The following LINGO2 variants were observed in gnomAD, a reference collection of about 807,000 sequenced individuals.
LINGO2 encodes leucine-rich repeat and immunoglobulin-like domain-containing nogo receptor-interacting protein 2.
LINGO2 carries 14 observed loss-of-function variants against 30.6 expected under a neutral mutation model. The observed-to-expected ratio is 0.46, with a 90% CI of 0.30 to 0.72. LINGO2 has a LOEUF of 0.72. Ranked by LOEUF, LINGO2 falls within the 30% of genes least tolerant of loss-of-function variation. The pLI is 0.07. For missense variants in LINGO2, 729 were observed against 751.7 expected, an observed-to-expected ratio of 0.97 and a Z score of 0.35; for synonymous variants, 317 against 288.5, an observed-to-expected ratio of 1.10 and a Z score of -1.00.
intron 4 of LINGO2, among the ~76,000 whole-genome samples, chr9:28,088,236 A>G (rs1825971313): frequency 6.9e-6 from 1 of 144,506 alleles, no homozygotes; most frequent in Non-Finnish European, 1.5e-5. Flanking sequence ...ACACACACAC[A>G]CATATAATGG....
At chr9:28,892,163 G>T in the LINGO2 span, among the ~76,000 whole-genome samples, 1 of 151,852 alleles carries the variant, frequency 6.6e-6, no homozygotes, top group African/African-American at 2.4e-5. Flanking sequence ...CTCCATGCTA[G>T]ACTGCAGCGA....
intron 5 of LINGO2, among the ~76,000 whole-genome samples, chr9:27,995,196 A>G (rs79025922): frequency 0.028 from 4,247 of 152,230 alleles, 91 homozygotes; most frequent in Non-Finnish European, 0.044. Flanking sequence ...CCATAAAGAA[A>G]TAGTAAATCT....
At chr9:28,236,440 A>G (rs1435412887) in intron 4 of LINGO2, among the ~76,000 whole-genome samples, 1 of 152,186 alleles carries the variant, frequency 6.6e-6, no homozygotes, top group Non-Finnish European at 1.5e-5. Context: ...AGTTTAACAC[A>G]GTAATTGTAG....
the LINGO2 span, among the ~76,000 whole-genome samples, chr9:29,181,598 CA>C: frequency 6.6e-6 from 1 of 151,776 alleles, no homozygotes; most frequent in Non-Finnish European, 1.5e-5. Context: ...AGTGAGAATC[CA>C]AAAACAATCC....
At chr9:28,566,050 A>T (rs1823364253) in intron 1 of LINGO2, among the ~76,000 whole-genome samples, 1 of 152,124 alleles carries the variant, frequency 6.6e-6, no homozygotes, top group South Asian at 2.1e-4. Flanking sequence ...GGACCAGCGA[A>T]GTGGCCTGCA....
At chr9:28,504,830 G>A (rs1820041862) in intron 1 of LINGO2, among the ~76,000 whole-genome samples, 1 of 151,770 alleles carries the variant, frequency 6.6e-6, no homozygotes, top group African/African-American at 2.4e-5. Flanking sequence ...TATGCTTTTT[G>A]GTAAAACAGT....
At chr9:28,807,162 C>A in the LINGO2 span, among the ~76,000 whole-genome samples, 1 of 151,828 alleles carries the variant, frequency 6.6e-6, no homozygotes, top group Admixed American at 6.6e-5. Flanking sequence ...GTAGCTGGGA[C>A]TACAGGGGCC....
chr9:28,384,329 CTATATATATA>C (rs3064858), intron 2 of LINGO2, among the ~76,000 whole-genome samples: 1 of 123,338 alleles, frequency 8.1e-6, no homozygotes, highest in Non-Finnish European at 1.7e-5. Flanking sequence ...ATGTTATGCA[CTATATATATA>C]TATATATATA....
chr9:28,513,097 A>ACACC (rs1587786759), intron 1 of LINGO2, among the ~76,000 whole-genome samples: 1 of 21,794 alleles, frequency 4.6e-5, no homozygotes, highest in East Asian at 1.6e-3. Context: ...ACACACACAC[A>ACACC]CACACACACA....
chr9:29,135,280 C>T, the LINGO2 span, among the ~76,000 whole-genome samples: 1 of 152,034 alleles, frequency 6.6e-6, no homozygotes, highest in African/African-American at 2.4e-5. Context: ...GATTGTCAGG[C>T]CGGGTGTGGT....
chr9:28,992,743 A>C, the LINGO2 span, among the ~76,000 whole-genome samples: 290 of 152,278 alleles, frequency 1.9e-3, 1 homozygote, highest in African/African-American at 6.6e-3. Flanking sequence ...TGGAAACTGA[A>C]CAACCTGCTC....
chr9:28,342,180 C>T (rs1045389820), intron 3 of LINGO2, among the ~76,000 whole-genome samples: 4 of 152,090 alleles, frequency 2.6e-5, no homozygotes, highest in Admixed American at 1.3e-4. Context: ...TGCCACAAAC[C>T]TCTCGCTGTC....
chr9:28,605,334 G>C (rs1825653529), intron 1 of LINGO2, among the ~76,000 whole-genome samples: 2 of 151,788 alleles, frequency 1.3e-5, no homozygotes, highest in South Asian at 4.1e-4. Flanking sequence ...CTCATCTGTT[G>C]TTTCACTTTA....
the LINGO2 span, among the ~76,000 whole-genome samples, chr9:28,815,529 G>A: frequency 5.7e-4 from 87 of 152,078 alleles, no homozygotes; most frequent in Non-Finnish European, 9.6e-4. Context: ...CCCTCAATCT[G>A]CATACATGTT....
chr9:28,546,271 T>A (rs1415292641), intron 1 of LINGO2, among the ~76,000 whole-genome samples: 1 of 152,050 alleles, frequency 6.6e-6, no homozygotes, highest in East Asian at 1.9e-4. Context: ...GACACTACTA[T>A]AGCAAAAGGC....
At chr9:28,773,968 A>G in the LINGO2 span, among the ~76,000 whole-genome samples, 1 of 152,050 alleles carries the variant, frequency 6.6e-6, no homozygotes, top group African/African-American at 2.4e-5. Context: ...TTGTAAATAT[A>G]AGCAAGGTTA....
the LINGO2 span, among the ~76,000 whole-genome samples, chr9:29,043,824 T>G: frequency 3.9e-5 from 6 of 152,198 alleles, no homozygotes; most frequent in South Asian, 1.2e-3. Flanking sequence ...ATGATGTATA[T>G]GCAAAGATTG....
the LINGO2 span, among the ~76,000 whole-genome samples, chr9:28,721,133 C>A: frequency 1.3e-5 from 2 of 152,058 alleles, no homozygotes; most frequent in African/African-American, 4.8e-5. Context: ...TCTTCTCATG[C>A]CAGTTAGAAT....
the LINGO2 span, among the ~76,000 whole-genome samples, chr9:28,771,378 G>C: frequency 6.6e-6 from 1 of 151,040 alleles, no homozygotes; most frequent in Non-Finnish European, 1.5e-5. Context: ...GAAATCTGAT[G>C]TTGATCTGGG....
Sources: gnomAD v4.1 joint callset for allele counts (sites outside exome capture counted in the v4.1 genomes callset) on GRCh38, gnomAD v4.1.1 for gene constraint, MANE v1.5 for transcripts, NCBI Gene and HGNC (gene_info 2026-07-23, HGNC 2026-07-21) for gene names.